CIT: variants seen among roughly 807,000 people sequenced by gnomAD.
The protein encoded by CIT is citron rho-interacting serine/threonine kinase, also known as citron Rho-interacting kinase.
In CIT, 79 loss-of-function variants were observed where a neutral mutation model predicts 272.7. That is an observed-to-expected ratio of 0.29 (90% CI 0.24 to 0.35). The LOEUF is 0.35. Ranked by LOEUF, CIT falls within the 10% of genes least tolerant of loss-of-function variation. CIT has a pLI of 1.00. For synonymous variants in CIT, 948 were observed against 995.6 expected, an observed-to-expected ratio of 0.95 and a Z score of 0.90; for missense variants, 1,909 against 2,618.3, an observed-to-expected ratio of 0.73 and a Z score of 5.91.
intron 13 of CIT, among the ~76,000 whole-genome samples, chr12:119,777,525 C>T (rs375976218): frequency 1.1e-4 from 16 of 151,616 alleles, no homozygotes; most frequent in African/African-American, 3.9e-4. Flanking sequence ...CAAAAATTAG[C>T]CAGGTGTGGT....
chr12:119,711,073 G>A (rs372358981), intron 37 of CIT: 101 of 1,366,826 alleles, frequency 7.4e-5, no homozygotes, highest in Non-Finnish European at 9.1e-5. Context: ...GCAGAAGCTC[G>A]TAAGAAACAC....
At chr12:119,708,107 G>A (rs980504743) in intron 40 of CIT, 72 bp downstream of exon 40, 3 of 1,390,748 alleles carry the variant, frequency 2.2e-6, no homozygotes, top group South Asian at 3.5e-5. Context: ...TCAAATCAAC[G>A]AGCTCTGTGG....
chr12:119,796,223 C>T (rs994832626), intron 10 of CIT, among the ~76,000 whole-genome samples: 2 of 152,156 alleles, frequency 1.3e-5, no homozygotes, highest in Non-Finnish European at 2.9e-5. Flanking sequence ...AGGTGTAAGC[C>T]GGTGAATGAC....
rs1410347779 is a variant in CIT at position 119,753,264 on chromosome 12, A to T, written c.2707-1017T>A. ...TGAAAGCCATGGGGATAAAAAGGAG[A>T]CCTCCAACCCAGCTTCAGAGGGTCG... On this transcript the variant is annotated intron_variant, in intron 22 of 47. Coordinates refer to ENST00000392521, the MANE Select transcript of CIT (RefSeq NM_001206999.2). Among the ~76,000 whole-genome samples, 7 of 151,960 alleles carry T rather than the reference A, an allele frequency of 4.6e-5. 1 individual carries two copies. The highest frequency in any genetic ancestry group is 4.6e-4 in the Admixed American group (7 of 15,262).
intron 10 of CIT, among the ~76,000 whole-genome samples, chr12:119,793,444 T>C (rs961444013): frequency 2.0e-5 from 3 of 152,098 alleles, no homozygotes; most frequent in African/African-American, 7.2e-5. Flanking sequence ...CTCCACACAA[T>C]GGTCAGAGGC....
At chr12:119,854,076 G>A (rs532439112) in intron 4 of CIT, among the ~76,000 whole-genome samples, 36 of 151,376 alleles carry the variant, frequency 2.4e-4, no homozygotes, top group African/African-American at 8.7e-4. Flanking sequence ...TGCCCAGGCT[G>A]TAGTGCAGTG....
At chr12:119,742,107 C>T (rs1398026754) in intron 24 of CIT, among the ~76,000 whole-genome samples, 1 of 152,158 alleles carries the variant, frequency 6.6e-6, no homozygotes, top group Non-Finnish European at 1.5e-5. Context: ...GTGGAACTGC[C>T]TTGGGATTTT....
rs184476571 is a variant in CIT at position 119,785,191 on chromosome 12, C to A, written c.1296-126G>T. ...GCTCTTGATGTTAGGTCAAATAATG[C>A]CCCCTTCCCGTTTCCCAAAGATGCC... On this transcript the variant is annotated intron_variant, in intron 10 of 47. Transcript: ENST00000392521. 3.1e-5 allele frequency: 31 copies of A among 1,010,062 alleles called. 1 individual carries two copies. The African/African-American group carries it at 5.0e-4, about 16-fold the overall frequency. 62.6% of individuals were successfully genotyped at this position (1,010,062 alleles called of 1,614,324 possible).
chr12:119,803,389 G>A lies in CIT; in HGVS notation c.1112C>T (p.Ser371Phe). 6.5e-7 allele frequency: 1 copy of A among 1,547,964 alleles called. No individual in the cohort carries two copies. Among genetic ancestry groups the A allele is most frequent in the East Asian group, 2.4e-5 (1 of 41,990 alleles). Residue 371 changes from serine (S) to phenylalanine (F), a missense_variant and splice_region_variant, in exon 10 of 48, where the codon TCT (serine) becomes TTT (phenylalanine). Around this residue, in one of 8 missense-constraint regions of CIT, gnomAD observed 529 missense variants for 549.6 expected, o/e 0.96. Transcript: ENST00000392521. ...SKIDWNNIRN[S>F]PPPFVPTLKS... ...GAGGGTGGGAACGAAGGGGGGAGGA[G>A]CTGGTTAAAGAAAAACAAGAAAGGA...
intron 5 of CIT, among the ~76,000 whole-genome samples, chr12:119,845,971 CACACACACACACAGAAAAAGGAA>C (rs1969779430): frequency 1.3e-5 from 2 of 151,650 alleles, no homozygotes; most frequent in African/African-American, 2.4e-5. Flanking sequence ...CACACACACA[CACACACACACACAGAAAAAGGAA>C]AGTTATTTCT....
intron 9 of CIT, among the ~76,000 whole-genome samples, chr12:119,811,938 C>T (rs1458785446): frequency 6.9e-6 from 1 of 144,000 alleles, no homozygotes; most frequent in African/African-American, 2.6e-5. Context: ...GGATATTCCC[C>T]AGGAATTTTT....
chr12:119,841,738 C>G (rs948312121), intron 5 of CIT, among the ~76,000 whole-genome samples: 2 of 152,082 alleles, frequency 1.3e-5, no homozygotes, highest in African/African-American at 2.4e-5. Context: ...TTTTTCCTAC[C>G]AGGCAGCTGG....
intron 44 of CIT, 144 bp from the exon 45 acceptor site, chr12:119,698,198 A>G: frequency 1.4e-6 from 1 of 717,024 alleles, no homozygotes; most frequent in South Asian, 1.6e-5. Flanking sequence ...GCGCCAGAAC[A>G]GTCATGCATG....
intron 10 of CIT, among the ~76,000 whole-genome samples, chr12:119,797,447 T>G (rs1404741894): frequency 6.6e-6 from 1 of 151,942 alleles, no homozygotes; most frequent in Non-Finnish European, 1.5e-5. Context: ...GAGGAGAAAA[T>G]CCAACACAAC....
chr12:119,788,632 G>A (rs1965017194), intron 10 of CIT, among the ~76,000 whole-genome samples: 1 of 152,146 alleles, frequency 6.6e-6, no homozygotes, highest in South Asian at 2.1e-4. Context: ...GTGCACCGCT[G>A]TGGGTACAAA....
intron 19 of CIT, among the ~76,000 whole-genome samples, chr12:119,765,809 G>A (rs1359884674): frequency 1.3e-5 from 2 of 151,758 alleles, no homozygotes; most frequent in Non-Finnish European, 2.9e-5. Flanking sequence ...GTAAGCCTCA[G>A]AAAAATTAAA....
At chr12:119,730,921 A>C (rs1958401551) in intron 26 of CIT, among the ~76,000 whole-genome samples, 1 of 152,200 alleles carries the variant, frequency 6.6e-6, no homozygotes, top group African/African-American at 2.4e-5. Context: ...TGAGGTCAGG[A>C]GTTCAAGACC....
intron 24 of CIT, among the ~76,000 whole-genome samples, chr12:119,738,840 G>T (rs979669890): frequency 6.9e-6 from 1 of 145,452 alleles, no homozygotes; most frequent in African/African-American, 2.6e-5. Flanking sequence ...CCAAGATCAC[G>T]CCATTGCACC....
chr12:119,695,361 C>T (rs550179699), intron 46 of CIT, among the ~76,000 whole-genome samples: 2 of 152,260 alleles, frequency 1.3e-5, no homozygotes, highest in East Asian at 3.9e-4. Flanking sequence ...TGCCTAGCGA[C>T]GCTCCGTGGA....
Sources: allele counts gnomAD v4.1 joint callset (sites outside exome capture counted in the v4.1 genomes callset), GRCh38; gene constraint gnomAD v4.1.1; regional missense constraint gnomAD v4.1.1; transcripts MANE v1.5; gene names NCBI Gene and HGNC (gene_info 2026-07-23, HGNC 2026-07-21).